GRIN2A: variants seen among roughly 807,000 people sequenced by gnomAD.
The protein encoded by GRIN2A is glutamate receptor ionotropic, NMDA 2A.
A neutral mutation model predicts 113.4 loss-of-function variants in GRIN2A; 22 were observed. The observed-to-expected ratio is 0.19, with a 90% CI of 0.14 to 0.28. GRIN2A has a LOEUF of 0.28. Ranked by LOEUF, GRIN2A falls within the 10% of genes least tolerant of loss-of-function variation. GRIN2A has a pLI of 1.00. For missense variants in GRIN2A, 1,502 were observed against 1,887.0 expected, an observed-to-expected ratio of 0.80 and a Z score of 3.78; for synonymous variants, 827 against 738.4, an observed-to-expected ratio of 1.12 and a Z score of -1.94.
intron 11 of GRIN2A, among the ~76,000 whole-genome samples, chr16:9,797,213 G>A (rs1044499694): frequency 6.6e-6 from 1 of 152,196 alleles, no homozygotes; most frequent in Admixed American, 6.5e-5. Context: ...TCTGAATATA[G>A]CCTCCACTAT....
intron 2 of GRIN2A, among the ~76,000 whole-genome samples, chr16:10,044,022 T>TAGAGAGAGAGAGATAGAG (rs2047216020): frequency 9.3e-6 from 1 of 107,984 alleles, no homozygotes; most frequent in African/African-American, 3.9e-5. Context: ...TATATATATA[T>TAGAGAGAGAGAGATAGAG]AGAGAGAGAG....
intron 3 of GRIN2A, among the ~76,000 whole-genome samples, chr16:9,912,829 T>G (rs1260934656): frequency 6.6e-6 from 1 of 152,236 alleles, no homozygotes; most frequent in Non-Finnish European, 1.5e-5. Flanking sequence ...CAAATGCTAT[T>G]GAATTTCATA....
In GRIN2A at chr16:10,008,458, C is replaced by T. The variant is rs967477138; in HGVS notation, c.415-69907G>A. Among the ~76,000 whole-genome samples the T allele has an allele frequency of 3.3e-5, 5 of 152,270 alleles. 1 individual carries two copies. Among genetic ancestry groups the T allele is most frequent in the African/African-American group, 1.2e-4 (5 of 41,566 alleles). On this transcript the variant is annotated intron_variant, in intron 2 of 12. Transcript: ENST00000330684. ...CCCCTACTGCTGTTGTTTTGTAGAGCATAAGAAGTGGGTGGAGTTGTTTCC... is the reference window on the plus strand; with the variant it reads ...CCCCTACTGCTGTTGTTTTGTAGAGTATAAGAAGTGGGTGGAGTTGTTTCC...
intron 3 of GRIN2A, among the ~76,000 whole-genome samples, chr16:9,905,246 T>C (rs1028496424): frequency 2.0e-5 from 3 of 152,208 alleles, no homozygotes; most frequent in Admixed American, 2.0e-4. Context: ...TGGCAATATG[T>C]CTGCAGCTAA....
In GRIN2A at chr16:9,769,067, G is replaced by T; in HGVS notation, c.2379C>A (p.Thr793=). 6.2e-7 allele frequency: 1 copy of T among 1,613,816 alleles called. No individual in the cohort carries two copies. The highest frequency in any genetic ancestry group is 8.5e-7 in the Non-Finnish European group (1 of 1,179,746). The change falls in exon 12 of 13, where the codon ACC becomes ACA. Residue 793 remains threonine, a synonymous_variant. Coordinates refer to ENST00000330684, the MANE Select transcript of GRIN2A (RefSeq NM_001134407.3). ...TGTGGCAGATCCCAGTGAGCCACAG[G>T]GTCTCCAGCTCCTCCATCTCACCTG... ...VGDGEMEELE[T]LWLTGICHNE...
chr16:10,005,433 G>T (rs2046389393), intron 2 of GRIN2A, among the ~76,000 whole-genome samples: 1 of 152,056 alleles, frequency 6.6e-6, no homozygotes, highest in Non-Finnish European at 1.5e-5. Context: ...CAATCCAAAG[G>T]AAAATGAAGG....
At chr16:10,087,945 C>T (rs2048113733) in intron 2 of GRIN2A, among the ~76,000 whole-genome samples, 1 of 151,358 alleles carries the variant, frequency 6.6e-6, no homozygotes, top group Admixed American at 6.6e-5. Context: ...CCACCTCGGC[C>T]TCCCAAAGTG....
intron 10 of GRIN2A, among the ~76,000 whole-genome samples, chr16:9,804,831 C>T (rs1235434721): frequency 1.3e-5 from 2 of 152,138 alleles, no homozygotes; most frequent in African/African-American, 4.8e-5. Flanking sequence ...TTCTCCATCA[C>T]CGGCAGTCCT....
intron 9 of GRIN2A, among the ~76,000 whole-genome samples, chr16:9,827,881 A>G (rs1436111994): frequency 1.3e-5 from 2 of 152,210 alleles, no homozygotes; most frequent in Non-Finnish European, 2.9e-5. Context: ...CTTCCCCCAG[A>G]CAATTTTAGT....
At chr16:10,115,789 A>G (rs958690215) in intron 2 of GRIN2A, among the ~76,000 whole-genome samples, 1 of 152,170 alleles carries the variant, frequency 6.6e-6, no homozygotes, top group African/African-American at 2.4e-5. Flanking sequence ...AATACTGGGG[A>G]TGGAAATATG....
chr16:9,962,531 A>G (rs1425126217), intron 2 of GRIN2A, among the ~76,000 whole-genome samples: 1 of 152,188 alleles, frequency 6.6e-6, no homozygotes, highest in Non-Finnish European at 1.5e-5. Flanking sequence ...ATCACTGGCC[A>G]TCAGAGAAAT....
intron 2 of GRIN2A, among the ~76,000 whole-genome samples, chr16:10,091,454 GTA>G (rs1349694299): frequency 1.0e-5 from 1 of 99,132 alleles, no homozygotes; most frequent in African/African-American, 3.4e-5. Flanking sequence ...GTATGTGTGT[GTA>G]TACACACACA....
At chr16:9,771,535 C>G (rs1040483524) in intron 11 of GRIN2A, among the ~76,000 whole-genome samples, 5 of 151,820 alleles carry the variant, frequency 3.3e-5, no homozygotes, top group African/African-American at 1.2e-4. Flanking sequence ...TTTTAAACCT[C>G]TAGTCTTTCA....
At position 9,937,588 on chromosome 16, in the gene GRIN2A, G is replaced by T. The variant is rs73504619; in HGVS notation, c.1007+371C>A. On this transcript the variant is annotated intron_variant, in intron 3 of 12. Transcript: ENST00000330684. Reference sequence around the variant, plus strand: ...TAAATCATGATACCATGATATCATAGTGAAGAATGTGATGAGGGCTATGAG... The same window carrying T: ...TAAATCATGATACCATGATATCATATTGAAGAATGTGATGAGGGCTATGAG... 8.6e-3 allele frequency: 2,247 copies of T among 262,316 alleles called. 53 individuals carry two copies. The highest frequency in any genetic ancestry group is 0.048 in the African/African-American group (2,110 of 44,084). 16.2% of individuals were successfully genotyped at this position (262,316 alleles called of 1,614,324 possible). A position where few individuals can be genotyped will look rare whatever the true frequency, so the allele number is the denominator to read the frequency against.
chr16:10,115,945 T>G (rs1402297884), intron 2 of GRIN2A, among the ~76,000 whole-genome samples: 1 of 152,280 alleles, frequency 6.6e-6, no homozygotes, highest in East Asian at 1.9e-4. Flanking sequence ...GAAATACCAT[T>G]TGACCCAGCA....
intron 2 of GRIN2A, among the ~76,000 whole-genome samples, chr16:10,043,794 T>C (rs759291599): frequency 1.2e-4 from 19 of 152,028 alleles, no homozygotes; most frequent in Non-Finnish European, 1.9e-4. Flanking sequence ...GTTCAGCCCC[T>C]GAGCCTAGAT....
At chr16:9,817,032 A>ATAAT (rs2042198868) in intron 10 of GRIN2A, among the ~76,000 whole-genome samples, 1 of 152,190 alleles carries the variant, frequency 6.6e-6, no homozygotes, top group African/African-American at 2.4e-5. Context: ...GATTTGTCTG[A>ATAAT]TAATTTCTTT....
Position 10,109,032 on chromosome 16 carries a change from A to C in GRIN2A, c.414+70966T>G, listed in dbSNP as rs1596514786. ...TTCTCTTTAAAAAAAAAAAAAAAAA[A>C]AAACAAAATTGATAAACCTAGGTAG... is the stretch of plus-strand genomic sequence containing the variant. On this transcript the variant is annotated intron_variant, in intron 2 of 12. Transcript: ENST00000330684. 2.3e-5 allele frequency among the ~76,000 whole-genome samples: 3 copies of C among 131,204 alleles called. No individual in the cohort carries two copies. In the East Asian group the frequency reaches 6.7e-4, roughly 29 times the overall value. The allele number at this position is 131,204 out of a possible 152,430, so 86.1% of individuals were successfully genotyped here. A position where few individuals can be genotyped will look rare whatever the true frequency, so the allele number is the denominator to read the frequency against.
At chr16:9,997,552 C>T (rs1286770240) in intron 2 of GRIN2A, among the ~76,000 whole-genome samples, 1 of 152,140 alleles carries the variant, frequency 6.6e-6, no homozygotes, top group Non-Finnish European at 1.5e-5. Flanking sequence ...GACTGCCATC[C>T]CTAATCTCAA....
Sources: allele counts gnomAD v4.1 joint callset (sites outside exome capture counted in the v4.1 genomes callset), GRCh38; gene constraint gnomAD v4.1.1; transcripts MANE v1.5; gene names NCBI Gene and HGNC (gene_info 2026-07-23, HGNC 2026-07-21).